VAV3: variants seen among roughly 807,000 people sequenced by gnomAD.
VAV3 encodes the protein guanine nucleotide exchange factor VAV3.
In VAV3, 94 loss-of-function variants were observed where a neutral mutation model predicts 131.2. The ratio of observed to expected loss-of-function variants is 0.72; its 90% confidence interval spans 0.61 to 0.85. The LOEUF (loss-of-function observed/expected upper bound fraction) is 0.85, where lower values mean the gene tolerates loss of function less well. Among genes scored for constraint, VAV3 ranks in the 40% least tolerant of loss-of-function variants. The pLI, the probability that VAV3 is intolerant of heterozygous loss-of-function variation, is 0.00. For synonymous variants in VAV3, 349 were observed against 342.0 expected, an observed-to-expected ratio of 1.02 and a Z score of -0.22; for missense variants, 939 against 1,002.7, an observed-to-expected ratio of 0.94 and a Z score of 0.86.
chr1:107,903,447 G>T (rs1410589367), intron 1 of VAV3, among the ~76,000 whole-genome samples: 1 of 152,222 alleles, frequency 6.6e-6, no homozygotes, highest in East Asian at 1.9e-4. Flanking sequence ...TGGAATATGA[G>T]GGCTGTGGCA....
rs1658795115 is a variant in VAV3, at chr1:107,683,533, T to C, written c.1732A>G (p.Lys578Glu). The change falls in exon 19 of 27, where the codon AAA (lysine) becomes GAA (glutamate). Residue 578 changes from lysine (K) to glutamate (E), a missense_variant and splice_region_variant. By Grantham distance (56) the Lys-to-Glu change is moderately conservative. Coordinates refer to ENST00000370056, the MANE Select transcript of VAV3 (RefSeq NM_006113.5). ...GTTCTTCGCAGTCCATTGGTCCGTTTCTGTGCAGTAAAGTAAAACAAAGCA... is the reference window on the plus strand; with the variant it reads ...GTTCTTCGCAGTCCATTGGTCCGTTCCTGTGCAGTAAAGTAAAACAAAGCA... ...GEQGTLKLPE[K>E]RTNGLRRTPK... The C allele has an allele frequency of 3.1e-6, 5 of 1,613,902 alleles. No homozygotes were observed. The highest frequency in any genetic ancestry group is 4.2e-6 in the Non-Finnish European group (5 of 1,179,890).
chr1:107,728,624 T>TGTATATGTATATGTATAC (rs1662016404), intron 15 of VAV3, among the ~76,000 whole-genome samples: 6 of 103,756 alleles, frequency 5.8e-5, no homozygotes, highest in African/African-American at 1.6e-4. Flanking sequence ...TATATGTATA[T>TGTATATGTATATGTATAC]GTATATGTAT....
At chr1:107,635,093 C>G (rs1176583481) in intron 20 of VAV3, among the ~76,000 whole-genome samples, 1 of 151,902 alleles carries the variant, frequency 6.6e-6, no homozygotes, top group African/African-American at 2.4e-5. Flanking sequence ...CTAGAAATAC[C>G]ATTTGACCCA....
chr1:107,911,616 A>G (rs893180828), intron 1 of VAV3, among the ~76,000 whole-genome samples: 1 of 152,238 alleles, frequency 6.6e-6, no homozygotes, highest in African/African-American at 2.4e-5. Flanking sequence ...ATTCTATTTT[A>G]AAGAAAAAAT....
chr1:107,722,550 A>T (rs1356952037), intron 15 of VAV3, among the ~76,000 whole-genome samples: 1 of 152,206 alleles, frequency 6.6e-6, no homozygotes, highest in African/African-American at 2.4e-5. Flanking sequence ...CAACAAATGG[A>T]CTTATTTCAA....
At chr1:107,618,141 G>A (rs927364043) in intron 20 of VAV3, among the ~76,000 whole-genome samples, 25 of 152,168 alleles carry the variant, frequency 1.6e-4, no homozygotes, top group African/African-American at 5.8e-4. Flanking sequence ...GGGGAACTCA[G>A]GTAGTAACGC....
intron 19 of VAV3, chr1:107,669,455 G>C: frequency 7.8e-7 from 1 of 1,289,418 alleles, no homozygotes; most frequent in Non-Finnish European, 1.0e-6. Flanking sequence ...ATAAAGAAAT[G>C]AAGGAGACAG....
chr1:107,922,204 G>A (rs1444691746), intron 1 of VAV3, among the ~76,000 whole-genome samples: 1 of 151,998 alleles, frequency 6.6e-6, no homozygotes, highest in Non-Finnish European at 1.5e-5. Flanking sequence ...CACCTCAAGT[G>A]CTGTCCACAT....
At chr1:107,585,875 T>C (rs193243411) in intron 25 of VAV3, among the ~76,000 whole-genome samples, 1 of 152,282 alleles carries the variant, frequency 6.6e-6, no homozygotes, top group East Asian at 1.9e-4. Flanking sequence ...GCTCTATGTA[T>C]TGACAGGATA....
intron 25 of VAV3, among the ~76,000 whole-genome samples, chr1:107,574,875 AC>A (rs559462000): frequency 1.5e-3 from 224 of 152,324 alleles, no homozygotes; most frequent in African/African-American, 4.5e-3. Flanking sequence ...TGAAACAAAT[AC>A]TGCCTTACAG....
intron 20 of VAV3, among the ~76,000 whole-genome samples, chr1:107,622,032 T>C (rs1489609755): frequency 1.3e-5 from 2 of 152,172 alleles, no homozygotes; most frequent in Non-Finnish European, 2.9e-5. Flanking sequence ...CATTCAATTA[T>C]CTGGAGCAGA....
intron 2 of VAV3, among the ~76,000 whole-genome samples, chr1:107,863,162 A>C (rs1669820485): frequency 6.6e-6 from 1 of 152,176 alleles, no homozygotes; most frequent in Non-Finnish European, 1.5e-5. Flanking sequence ...CCCTTGCAAT[A>C]AACCCTACTT....
intron 1 of VAV3, among the ~76,000 whole-genome samples, chr1:107,939,964 C>A (rs895638936): frequency 1.3e-5 from 2 of 151,982 alleles, no homozygotes; most frequent in African/African-American, 2.4e-5. Context: ...TTCTTGGAAG[C>A]TTGTATGGAA....
rs139944095 is a variant in VAV3, at chr1:107,914,316, G to A, written c.205-39299C>T. ...CTCAGTTTTATCTCGCAACAGTGAC[G>A]TGCAATAAACATTACTGGGCCCTGC... On this transcript the variant is annotated intron_variant, in intron 1 of 26. Coordinates refer to ENST00000370056, the MANE Select transcript of VAV3 (RefSeq NM_006113.5). 1.9e-3 allele frequency among the ~76,000 whole-genome samples: 294 copies of A among 152,266 alleles called. 1 individual carries two copies. Among genetic ancestry groups the A allele is most frequent in the African/African-American group, 6.7e-3 (280 of 41,558 alleles).
At chr1:107,791,229 A>G (rs1666269118) in intron 2 of VAV3, among the ~76,000 whole-genome samples, 2 of 151,326 alleles carry the variant, frequency 1.3e-5, no homozygotes, top group Admixed American at 1.3e-4. Flanking sequence ...TCAGATTGCC[A>G]ATAGCCTTGT....
chr1:107,620,212 T>C (rs1653460084), intron 20 of VAV3, among the ~76,000 whole-genome samples: 2 of 152,098 alleles, frequency 1.3e-5, no homozygotes, highest in Non-Finnish European at 1.5e-5. Flanking sequence ...TAAGGGGAGA[T>C]ATAACTCAAT....
intron 19 of VAV3, among the ~76,000 whole-genome samples, chr1:107,646,194 G>A (rs772358136): frequency 6.8e-6 from 1 of 147,904 alleles, no homozygotes; most frequent in Non-Finnish European, 1.5e-5. Context: ...TTTCCTCACT[G>A]GCAGTGATTA....
chr1:107,883,630 A>C (rs768263786), intron 1 of VAV3, among the ~76,000 whole-genome samples: 2 of 152,154 alleles, frequency 1.3e-5, no homozygotes, highest in Non-Finnish European at 2.9e-5. Flanking sequence ...TAAAGATTTT[A>C]AATTATTAGG....
intron 1 of VAV3, among the ~76,000 whole-genome samples, chr1:107,885,103 C>T (rs764311921): frequency 3.0e-4 from 46 of 152,158 alleles, no homozygotes; most frequent in African/African-American, 1.0e-3. Flanking sequence ...AGCTTCAGAA[C>T]GGCACACCAG....
Sources: gnomAD v4.1 joint callset for allele counts (sites outside exome capture counted in the v4.1 genomes callset) on GRCh38, gnomAD v4.1.1 for gene constraint, MANE v1.5 for transcripts, NCBI Gene and HGNC (gene_info 2026-07-23, HGNC 2026-07-21) for gene names.